Variants in VARS1 observed in about 807,000 individuals in gnomAD.
VARS1 encodes the protein valine--tRNA ligase.
In VARS1, 92 loss-of-function variants were observed where a neutral mutation model predicts 161.0. The observed-to-expected ratio is 0.57, with a 90% CI of 0.48 to 0.68. The LOEUF is 0.68. Ranked by LOEUF, VARS1 falls within the 30% of genes least tolerant of loss-of-function variation. The pLI is 0.00. For synonymous variants in VARS1, 595 were observed against 682.5 expected, an observed-to-expected ratio of 0.87 and a Z score of 2.00; for missense variants, 1,338 against 1,695.9, an observed-to-expected ratio of 0.79 and a Z score of 3.71.
chr6:31,793,970 G>A (rs1209310263), intron 2 of VARS1, among the ~76,000 whole-genome samples: 1 of 151,868 alleles, frequency 6.6e-6, no homozygotes, highest in Non-Finnish European at 1.5e-5. Context: ...CGGACAAGGT[G>A]GTGGGCGCCT....
rs557803331 is a variant in VARS1 at position 31,791,535 on chromosome 6, C to T, written c.1100+75G>A. 70 of 1,527,120 alleles carry T rather than the reference C, an allele frequency of 4.6e-5. No individual in the cohort carries two copies. In the Admixed American group the frequency reaches 8.9e-4, roughly 19 times the overall value. The allele number at this position is 1,527,120 out of a possible 1,614,324, so 94.6% of individuals were successfully genotyped here. On this transcript the variant is annotated intron_variant, in intron 8 of 29. Coordinates refer to ENST00000375663, the MANE Select transcript of VARS1 (RefSeq NM_006295.3). The surrounding 1 kb of genome is among the most constrained non-coding windows in gnomAD (Gnocchi z 5.0). ...GCACCAACCCAGAAGGAGAGAGGCT[C>T]GGGGGGCTGTCAGGGAAAAGGAGAG... is the stretch of plus-strand genomic sequence containing the variant.
At position 31,779,733 on chromosome 6, in the gene VARS1, C is replaced by T. The variant is rs5030798; in HGVS notation, c.3163G>A (p.Val1055Ile). The change falls in exon 27 of 30, where the codon GTT becomes ATT. Residue 1055 changes from valine to isoleucine, a missense_variant. Val to Ile is a conservative substitution (Grantham distance 29). Around this residue, in one of 3 missense-constraint regions of VARS1, gnomAD observed 433 missense variants for 586.2 expected, o/e 0.74. Coordinates refer to ENST00000375663, the MANE Select transcript of VARS1 (RefSeq NM_006295.3). This position sits in a 1 kb window ranked among gnomAD's most constrained non-coding sequence, Gnocchi z 9.1. Reference sequence around the variant, plus strand: ...AAGGGTGAGAGCAGCCGCAGGCCAACGTCCAGGCAAGTGTACAGGGTCTGG... The same window carrying T: ...AAGGGTGAGAGCAGCCGCAGGCCAATGTCCAGGCAAGTGTACAGGGTCTGG... ...ARQTLYTCLD[V>I]GLRLLSPFMP... is the part of the protein sequence containing the mutation. 5.4e-3 allele frequency: 8,743 copies of T among 1,613,022 alleles called. 114 individuals are homozygous for T. The highest frequency in any genetic ancestry group is 0.041 in the East Asian group (1,821 of 44,882).
intron 2 of VARS1, among the ~76,000 whole-genome samples, 164 bp from the exon 3 acceptor site, chr6:31,793,284 A>G (rs1814017925): frequency 6.6e-6 from 1 of 152,154 alleles, no homozygotes; most frequent in Non-Finnish European, 1.5e-5. Flanking sequence ...TGGGCGGATC[A>G]CGAGGTCAGG....
Position 31,791,613 on chromosome 6 carries a change from CGA to C in VARS1, c.1095_1096del (p.Arg366MetfsTer16). On this transcript the variant is annotated frameshift_variant, in exon 8 of 30. Coordinates refer to ENST00000375663, the MANE Select transcript of VARS1 (RefSeq NM_006295.3). LOFTEE classifies it high-confidence loss of function. The surrounding 1 kb of genome is among the most constrained non-coding windows in gnomAD (Gnocchi z 5.0). ...GAAGGTGCAGATAGAAGCTCACCAT[CGA>C]GTCAGGGAGTCCTGGATGGCGTTGG... 1 of 1,609,500 alleles carries C rather than the reference CGA, an allele frequency of 6.2e-7. No homozygotes were observed. The highest frequency in any genetic ancestry group is 8.5e-7 in the Non-Finnish European group (1 of 1,177,974).
Position 31,780,391 on chromosome 6 carries a change from G to A in VARS1, c.2925+50C>T, listed in dbSNP as rs1480030602. On this transcript the variant is annotated intron_variant, in intron 25 of 29. Transcript: ENST00000375663. The surrounding 1 kb of genome is among the most constrained non-coding windows in gnomAD (Gnocchi z 5.1). ...CTACATGGAGGCTGCTCCGGACAGG[G>A]GTACAGCCTGTGTGAGTGCTGCCAG... The A allele has an allele frequency of 6.3e-6, 10 of 1,593,582 alleles. No homozygotes were observed. The South Asian group carries it at 8.1e-5, about 13-fold the overall frequency.
rs1443225189 is a variant in VARS1, at chr6:31,785,280, A to G, written c.1313T>C (p.Leu438Ser). The G allele has an allele frequency of 6.2e-7, 1 of 1,613,064 alleles. No individual in the cohort carries two copies. The highest frequency in any genetic ancestry group is 8.5e-7 in the Non-Finnish European group (1 of 1,180,010). The change falls in exon 10 of 30, where the codon TTG (leucine) becomes TCG (serine). Residue 438 changes from leucine to serine, a missense_variant. Transcript: ENST00000375663. This position sits in a 1 kb window ranked among gnomAD's most constrained non-coding sequence, Gnocchi z 6.1. ...GGTGAAACAGGCTCGATCCCAGTCC[A>G]AGGAGCTGCCAAGCTTCTTCAACTG... The part of the protein sequence containing the change: ...YHQLKKLGSS[L>S]DWDRACFTMD...
In VARS1 at chr6:31,779,356, C is replaced by A; in HGVS notation, c.3401-64G>T. On this transcript the variant is annotated intron_variant, in intron 28 of 29. Transcript: ENST00000375663. This position sits in a 1 kb window ranked among gnomAD's most constrained non-coding sequence, Gnocchi z 9.1. ...AGACAGGAAACCAAGCAGTCACTGC[C>A]GGACACTGGGTCCCAGAGTAGGCTG... 2 of 1,602,308 alleles carry A rather than the reference C, an allele frequency of 1.2e-6. No homozygotes were observed. The highest frequency in any genetic ancestry group is 1.7e-6 in the Non-Finnish European group (2 of 1,178,632).
Position 31,781,715 on chromosome 6 carries a change from T to C in VARS1, c.2394A>G (p.Leu798=), listed in dbSNP as rs555708628. 136 of 1,612,904 alleles carry C rather than the reference T, an allele frequency of 8.4e-5. 1 individual carries two copies. The highest frequency in any genetic ancestry group is 1.1e-4 in the Non-Finnish European group (132 of 1,179,968). Residue 798 remains leucine, a synonymous_variant, in exon 20 of 30, where the codon TTA becomes TTG. Coordinates refer to ENST00000375663, the MANE Select transcript of VARS1 (RefSeq NM_006295.3). This position sits in a 1 kb window ranked among gnomAD's most constrained non-coding sequence, Gnocchi z 6.8. ...CCTGGTTGGGCCAGCCCAAAATGGA[T>C]AAGGGGAAGAGGCCAGAGGAGAACC... ...DTWFSSGLFP[L]SILGWPNQSE...
Position 31,779,927 on chromosome 6 carries a change from G to A in VARS1, c.3081+71C>T. 6.2e-7 allele frequency: 1 copy of A among 1,604,142 alleles called. No individual in the cohort carries two copies. The highest frequency in any genetic ancestry group is 8.5e-7 in the Non-Finnish European group (1 of 1,174,790). On this transcript the variant is annotated intron_variant, in intron 26 of 29. Transcript: ENST00000375663. The surrounding 1 kb of genome is among the most constrained non-coding windows in gnomAD (Gnocchi z 9.1). ...GGCTTAGGTCTCAAGGCCAACTCTG[G>A]CAAAACTGAGCCCAGGGCTCTGCTG...
chr6:31,792,002 G>A lies in VARS1; in HGVS notation c.872-31C>T, dbSNP rs145009006. 8.9e-4 allele frequency: 1,367 copies of A among 1,536,792 alleles called. 13 individuals are homozygous for A. The African/African-American group carries it at 0.016, about 19-fold the overall frequency. Reference sequence around the variant, plus strand: ...GGAGAGGAAGGGAGGGCTCAGTGCCGTGGCTGGGAGCACTCTGGGAAGGAG... The same window carrying A: ...GGAGAGGAAGGGAGGGCTCAGTGCCATGGCTGGGAGCACTCTGGGAAGGAG... On this transcript the variant is annotated intron_variant, in intron 6 of 29. Coordinates refer to ENST00000375663, the MANE Select transcript of VARS1 (RefSeq NM_006295.3).
In VARS1 at chr6:31,779,433, C is replaced by T. The variant is rs1368016403; in HGVS notation, c.3392G>A (p.Arg1131Gln). The T allele has an allele frequency of 6.2e-6, 10 of 1,611,612 alleles. No individual in the cohort carries two copies. The highest frequency in any genetic ancestry group is 2.2e-5 in the East Asian group (1 of 44,880). Residue 1131 changes from arginine to glutamine, a missense_variant, in exon 28 of 30, where the codon CGG becomes CAG. Coordinates refer to ENST00000375663, the MANE Select transcript of VARS1 (RefSeq NM_006295.3). This position sits in a 1 kb window ranked among gnomAD's most constrained non-coding sequence, Gnocchi z 9.1. ...GGGGGCCTGAGGCTCACAGTCAGGC[C>T]GGATCCGGGTGAGGTTGTAGTCGGC... ...LRADYNLTRI[R>Q]PDCFLEVADE... is the part of the protein sequence containing the mutation.
At position 31,785,249 on chromosome 6, in the gene VARS1, G is replaced by A; in HGVS notation, c.1344C>T (p.Asp448=). The part of the protein sequence containing the change: ...LDWDRACFTM[D]PKLSAAVTEA... The stretch of plus-strand genomic sequence containing the variant: ...CTTTGACACTCCTCCCACGCACAGG[G>A]TCCATGGTGAAACAGGCTCGATCCC... The change falls in exon 10 of 30, where the codon GAC becomes GAT. Residue 448 remains aspartate, a synonymous_variant. Coordinates refer to ENST00000375663, the MANE Select transcript of VARS1 (RefSeq NM_006295.3). This position sits in a 1 kb window ranked among gnomAD's most constrained non-coding sequence, Gnocchi z 6.1. The A allele has an allele frequency of 6.2e-7, 1 of 1,613,074 alleles. No homozygotes were observed. Among genetic ancestry groups the A allele is most frequent in the Non-Finnish European group, 8.5e-7 (1 of 1,180,024 alleles).
rs771243078 is a variant in VARS1 at position 31,784,540 on chromosome 6, A to G, written c.1468-38T>C. 40 of 1,613,452 alleles carry G rather than the reference A, an allele frequency of 2.5e-5. No individual in the cohort carries two copies. In the African/African-American group the frequency reaches 4.1e-4, roughly 17 times the overall value. On this transcript the variant is annotated intron_variant, in intron 11 of 29. Transcript: ENST00000375663. This position sits in a 1 kb window ranked among gnomAD's most constrained non-coding sequence, Gnocchi z 6.1. ...TATTTAGAGGCGTGGCCCAGGGGCC[A>G]GGGCCAGGGCCAGGGTAGATTGGAG...
At position 31,779,096 on chromosome 6, in the gene VARS1, C is replaced by T. The variant is rs1273086740; in HGVS notation, c.3597G>A (p.Arg1199=). Residue 1199 remains arginine, a synonymous_variant, in exon 29 of 30, where the codon CGG becomes CGA. Transcript: ENST00000375663. The surrounding 1 kb of genome is among the most constrained non-coding windows in gnomAD (Gnocchi z 9.1). ...GCTTGGCTTGCAGCTTGCCCAGCTC[C>T]CGTGCAGGGTCCACCAGCCCCTGAA... ...LQLQGLVDPA[R]ELGKLQAKRV... 1 of 1,611,290 alleles carries T rather than the reference C, an allele frequency of 6.2e-7. No individual in the cohort carries two copies. Among genetic ancestry groups the T allele is most frequent in the Non-Finnish European group, 8.5e-7 (1 of 1,179,346 alleles).
At chr6:31,788,736 G>T (rs1161972674) in intron 8 of VARS1, among the ~76,000 whole-genome samples, 1 of 151,642 alleles carries the variant, frequency 6.6e-6, no homozygotes, top group Non-Finnish European at 1.5e-5. Flanking sequence ...GTGAACCTGG[G>T]AAGCAGAGCT....
rs145802701 is a variant in VARS1, at chr6:31,778,997, C to A, written c.3696G>T (p.Pro1232=). The change falls in exon 29 of 30, where the codon CCG becomes CCT. Residue 1232 remains proline (P), a synonymous_variant. Transcript: ENST00000375663. The surrounding 1 kb of genome is among the most constrained non-coding windows in gnomAD (Gnocchi z 5.1). The part of the protein sequence containing the change: ...RAASGYPVKV[P]LEVQEADEAK... ...CTTCATCTGCCTCCTGGACTTCGAG[C>A]GGCACCTTGACAGGATAGCCCGAGG... 4.3e-6 allele frequency: 7 copies of A among 1,612,928 alleles called. No individual in the cohort carries two copies. Among genetic ancestry groups the A allele is most frequent in the Non-Finnish European group, 5.9e-6 (7 of 1,180,050 alleles).
chr6:31,779,133 A>T lies in VARS1; in HGVS notation c.3560T>A (p.Ile1187Asn). The stretch of plus-strand genomic sequence containing the variant: ...CACCAGCCCCTGAAGCTGCAGGTGG[A>T]TGGAGCAGCGATCAGAAGCCAGAGC... ...AVALASDRCS[I>N]HLQLQGLVDP... The change falls in exon 29 of 30, where the codon ATC becomes AAC. Residue 1187 changes from isoleucine to asparagine, a missense_variant. This residue lies in a region of VARS1 where 433 missense variants were observed against 586.2 expected (regional missense o/e 0.74). Transcript: ENST00000375663. This position sits in a 1 kb window ranked among gnomAD's most constrained non-coding sequence, Gnocchi z 9.1. 6.2e-7 allele frequency: 1 copy of T among 1,606,906 alleles called. No homozygotes were observed. The highest frequency in any genetic ancestry group is 8.5e-7 in the Non-Finnish European group (1 of 1,176,878).
At position 31,794,965 on chromosome 6, in the gene VARS1, C is replaced by T. The variant is rs1814163800; in HGVS notation, c.253G>A (p.Gly85Arg). The change falls in exon 2 of 30, where the codon GGG becomes AGG. Residue 85 changes from glycine (G) to arginine (R), a missense_variant. Around this residue, in one of 3 missense-constraint regions of VARS1, gnomAD observed 902 missense variants for 1,090.3 expected, o/e 0.83. Coordinates refer to ENST00000375663, the MANE Select transcript of VARS1 (RefSeq NM_006295.3). Reference protein sequence around the residue: ...VAQLLWPAGLGGPGGSRAAVL... With the variant: ...VAQLLWPAGLRGPGGSRAAVL... ...GCCGCCCGGCTGCCCCCTGGGCCCCCCAGGCCTGCTGGCCACAGCAGCTGG... is the reference window on the plus strand; with the variant it reads ...GCCGCCCGGCTGCCCCCTGGGCCCCTCAGGCCTGCTGGCCACAGCAGCTGG... 2 of 1,612,352 alleles carry T rather than the reference C, an allele frequency of 1.2e-6. No homozygotes were observed. The highest frequency in any genetic ancestry group is 1.7e-6 in the Non-Finnish European group (2 of 1,179,760).
chr6:31,787,701 G>A (rs866923548), intron 8 of VARS1, among the ~76,000 whole-genome samples: 7 of 151,946 alleles, frequency 4.6e-5, no homozygotes, highest in Admixed American at 3.3e-4. Flanking sequence ...TGGAGGCCAG[G>A]TATGGTGGTT....
Sources: allele counts gnomAD v4.1 joint callset (sites outside exome capture counted in the v4.1 genomes callset), GRCh38; gene constraint gnomAD v4.1.1; regional missense constraint gnomAD v4.1.1; non-coding constraint Gnocchi (gnomAD v3.1); transcripts MANE v1.5; gene names NCBI Gene and HGNC (gene_info 2026-07-23, HGNC 2026-07-21).